The following WDR72 variants were observed in gnomAD, a reference collection of about 807,000 sequenced individuals.
The protein encoded by WDR72 is WD repeat domain 72.
Under a neutral mutation model 124.2 loss-of-function variants are expected in WDR72, and 120 were observed. That is an observed-to-expected ratio of 0.97 (90% confidence interval 0.83 to 1.12). The LOEUF is 1.12. WDR72 is among the 50% of genes most tolerant of loss of function. The probability of loss-of-function intolerance (pLI) is 0.00; values close to 1 mark genes in which losing one functional copy is unlikely to be tolerated. For missense variants in WDR72, 1,387 were observed against 1,278.8 expected, an observed-to-expected ratio of 1.08 and a Z score of -1.29; for synonymous variants, 452 against 441.7, an observed-to-expected ratio of 1.02 and a Z score of -0.29.
chr15:53,536,401 T>C (rs1892764635), intron 18 of WDR72, among the ~76,000 whole-genome samples: 2 of 152,132 alleles, frequency 1.3e-5, no homozygotes, highest in African/African-American at 2.4e-5. Context: ...TTAGAAAAAG[T>C]GGAAGAGAAC....
intron 13 of WDR72, among the ~76,000 whole-genome samples, chr15:53,691,616 C>CAGATAGAT (rs1420096448): frequency 3.1e-5 from 2 of 65,472 alleles, no homozygotes; most frequent in Non-Finnish European, 7.1e-5. Flanking sequence ...GACAGACAGA[C>CAGATAGAT]AGACAGATAG....
At chr15:53,694,924 T>C (rs2140510457) in intron 13 of WDR72, among the ~76,000 whole-genome samples, 2 of 152,282 alleles carry the variant, frequency 1.3e-5, no homozygotes, top group East Asian at 3.9e-4. Flanking sequence ...TGCTGCCTGT[T>C]GTTGTAAGTA....
At position 53,514,103 on chromosome 15, in the gene WDR72, A is replaced by AT. The variant is rs559213975; in HGVS notation, c.*3595dup. On this transcript the variant is annotated 3_prime_UTR_variant, in exon 20 of 20. Coordinates refer to ENST00000360509, the MANE Select transcript of WDR72 (RefSeq NM_182758.4). ...AAGATACCTACTCAAGTAAGTTTTAATTTTGCAACTCTTTTGGTTAAGCTA... is the reference window on the plus strand; with the variant it reads ...AAGATACCTACTCAAGTAAGTTTTAATTTTTGCAACTCTTTTGGTTAAGCTA... 126 of 152,328 alleles carry AT rather than the reference A, an allele frequency of 8.3e-4. No individual in the cohort carries two copies. Among genetic ancestry groups the AT allele is most frequent in the African/African-American group, 3.0e-3 (126 of 41,588 alleles). 9.4% of individuals were successfully genotyped at this position (152,328 alleles called of 1,614,324 possible). A position where few individuals can be genotyped will look rare whatever the true frequency, so the allele number is the denominator to read the frequency against.
chr15:53,550,308 G>A (rs1352684989), intron 18 of WDR72, among the ~76,000 whole-genome samples: 8 of 152,266 alleles, frequency 5.3e-5, no homozygotes, highest in Non-Finnish European at 4.4e-5. Context: ...ATACATGAAT[G>A]GATGGGTGTG....
intron 3 of WDR72, 100 bp from the exon 4 acceptor site, chr15:53,716,785 A>G: frequency 2.1e-6 from 1 of 471,954 alleles, no homozygotes; most frequent in South Asian, 3.0e-5. Context: ...CTGATCATTT[A>G]TGTGGCTTTT....
intron 14 of WDR72, among the ~76,000 whole-genome samples, chr15:53,659,826 C>T (rs1221040093): frequency 6.6e-6 from 1 of 151,886 alleles, no homozygotes; most frequent in Non-Finnish European, 1.5e-5. Context: ...TTTATGTGTT[C>T]AAAAAGCAAA....
At chr15:53,630,624 T>C (rs2014389298) in intron 14 of WDR72, among the ~76,000 whole-genome samples, 1 of 152,158 alleles carries the variant, frequency 6.6e-6, no homozygotes, top group Admixed American at 6.5e-5. Flanking sequence ...ATTATCCTAA[T>C]AGATGCACAA....
intron 14 of WDR72, among the ~76,000 whole-genome samples, chr15:53,639,501 T>TAAAATTATATATAATTTTATTTATTTAC (rs2014755388): frequency 6.9e-6 from 1 of 145,554 alleles, no homozygotes; most frequent in Non-Finnish European, 1.5e-5. Flanking sequence ...TATTTATTTA[T>TAAAATTATATATAATTTTATTTATTTAC]AAAATTATAT....
intron 14 of WDR72, among the ~76,000 whole-genome samples, chr15:53,662,242 C>T (rs1266028366): frequency 6.6e-6 from 1 of 152,132 alleles, no homozygotes; most frequent in Non-Finnish European, 1.5e-5. Context: ...ATGACTCTGG[C>T]CTTCCTTTCC....
chr15:53,658,267 T>C (rs764231884), intron 14 of WDR72, among the ~76,000 whole-genome samples: 1 of 152,182 alleles, frequency 6.6e-6, no homozygotes, highest in Non-Finnish European at 1.5e-5. Context: ...CTTAAATATA[T>C]AACTTCACTT....
chr15:53,585,824 CA>C (rs1456211621), intron 18 of WDR72, among the ~76,000 whole-genome samples: 1 of 151,998 alleles, frequency 6.6e-6, no homozygotes, highest in Non-Finnish European at 1.5e-5. Context: ...AAGGCACTAA[CA>C]ACTGGAAGCT....
intron 2 of WDR72, among the ~76,000 whole-genome samples, chr15:53,725,205 T>C (rs984810806): frequency 2.6e-5 from 4 of 151,912 alleles, no homozygotes; most frequent in African/African-American, 9.7e-5. Flanking sequence ...TATAAAAAGG[T>C]GCTCCATATC....
chr15:53,749,829 A>C (rs2126188), intron 1 of WDR72, among the ~76,000 whole-genome samples: 29,290 of 152,162 alleles, frequency 0.19, 2,990 homozygotes, highest in Middle Eastern at 0.28. Flanking sequence ...AACCATCCAC[A>C]ACATTCCCTT....
chr15:53,596,362 A>G (rs1366758859), intron 18 of WDR72, among the ~76,000 whole-genome samples: 2 of 152,154 alleles, frequency 1.3e-5, no homozygotes, highest in African/African-American at 2.4e-5. Context: ...ATCATAGAAC[A>G]TTTTACAACA....
intron 2 of WDR72, among the ~76,000 whole-genome samples, chr15:53,731,188 T>C (rs1394908776): frequency 1.3e-5 from 2 of 152,104 alleles, no homozygotes; most frequent in Admixed American, 1.3e-4. Context: ...TATAAATTCC[T>C]TCACTTGTCA....
rs746016349 is a variant in WDR72 at position 53,609,611 on chromosome 15, C to T, written c.2873-19G>A. The T allele has an allele frequency of 6.3e-7, 1 of 1,593,636 alleles. No individual in the cohort carries two copies. The highest frequency in any genetic ancestry group is 8.6e-7 in the Non-Finnish European group (1 of 1,161,812). On this transcript the variant is annotated intron_variant, in intron 16 of 19. Coordinates refer to ENST00000360509, the MANE Select transcript of WDR72 (RefSeq NM_182758.4). ...TTCTTACCTAGAAATATACAGAACA[C>T]ACTTGTATCTTTAGAGTATTAAAAA...
intron 13 of WDR72, among the ~76,000 whole-genome samples, chr15:53,674,102 G>C (rs1429968203): frequency 6.6e-6 from 1 of 152,138 alleles, no homozygotes; most frequent in Non-Finnish European, 1.5e-5. Context: ...ACATGTGAGT[G>C]GACATATTAT....
chr15:53,540,249 T>C (rs1461855615), intron 18 of WDR72, among the ~76,000 whole-genome samples: 1 of 152,086 alleles, frequency 6.6e-6, no homozygotes, highest in Non-Finnish European at 1.5e-5. Flanking sequence ...CAGAACTAAG[T>C]CAATAAAGTA....
At chr15:53,721,890 G>A (rs187562337) in intron 3 of WDR72, among the ~76,000 whole-genome samples, 1 of 152,026 alleles carries the variant, frequency 6.6e-6, no homozygotes, top group African/African-American at 2.4e-5. Flanking sequence ...TTTCCTACAG[G>A]TAAGTCCTAT....
Sources: gnomAD v4.1 joint callset for allele counts (sites outside exome capture counted in the v4.1 genomes callset) on GRCh38, gnomAD v4.1.1 for gene constraint, MANE v1.5 for transcripts, NCBI Gene and HGNC (gene_info 2026-07-23, HGNC 2026-07-21) for gene names.